CFAP54: variants seen among roughly 807,000 people sequenced by gnomAD.
CFAP54 encodes the protein cilia- and flagella-associated protein 54.
In CFAP54, 290 loss-of-function variants were observed where a neutral mutation model predicts 370.4. The ratio of observed to expected loss-of-function variants is 0.78; its 90% confidence interval spans 0.71 to 0.86. The LOEUF is 0.86. Among genes scored for constraint, CFAP54 ranks in the 40% least tolerant of loss-of-function variants. The pLI, the probability that CFAP54 is intolerant of heterozygous loss-of-function variation, is 0.00. For missense variants in CFAP54, 3,399 were observed against 3,528.7 expected, an observed-to-expected ratio of 0.96 and a Z score of 0.93; for synonymous variants, 1,206 against 1,236.5, an observed-to-expected ratio of 0.98 and a Z score of 0.52.
intron 14 of CFAP54, among the ~76,000 whole-genome samples, chr12:96,547,150 A>T (rs899222817): frequency 1.7e-4 from 26 of 152,074 alleles, no homozygotes; most frequent in Admixed American, 1.6e-3. Flanking sequence ...GTCCAAATTG[A>T]TAGGGTTTCT....
intron 19 of CFAP54, 76 bp from the exon 20 acceptor site, chr12:96,576,508 CA>C (rs767713075): frequency 1.0e-4 from 110 of 1,076,122 alleles, no homozygotes; most frequent in Admixed American, 1.5e-4. Context: ...CATTGTTTAA[CA>C]TCACTAGAAT....
At chr12:96,845,903 G>A (rs1259495453) in intron 66 of CFAP54, among the ~76,000 whole-genome samples, 2 of 152,122 alleles carry the variant, frequency 1.3e-5, no homozygotes, top group Non-Finnish European at 2.9e-5. Context: ...GTAGAAGGAA[G>A]GAGAAACATA....
At chr12:96,620,012 A>G (rs776277977) in intron 26 of CFAP54, among the ~76,000 whole-genome samples, 22 of 152,176 alleles carry the variant, frequency 1.4e-4, no homozygotes, top group Admixed American at 3.3e-4. Context: ...GTAAACAAAT[A>G]AAAATTTTTA....
rs1427372763 is a variant in CFAP54, at chr12:96,685,637, C to T, written c.6014+399C>T. Among the ~76,000 whole-genome samples the T allele has an allele frequency of 2.6e-5, 4 of 152,120 alleles. 1 individual carries two copies. The highest frequency in any genetic ancestry group is 9.6e-5 in the African/African-American group (4 of 41,500). On this transcript the variant is annotated intron_variant, in intron 42 of 67. Coordinates refer to ENST00000524981, the MANE Select transcript of CFAP54 (RefSeq NM_001306084.2). ...CTTGATCTCAGCTCACTGCAACCTC[C>T]GTCTCCTGGGTTCGAGATTCTCCTG... is the stretch of plus-strand genomic sequence containing the variant.
intron 30 of CFAP54, among the ~76,000 whole-genome samples, chr12:96,627,458 A>C (rs1256708272): frequency 6.6e-6 from 1 of 152,258 alleles, no homozygotes; most frequent in African/African-American, 2.4e-5. Context: ...ATTATGAGAC[A>C]TGCCAAATGA....
Position 96,870,144 on chromosome 12 carries a change from G to A in CFAP54, c.*15-4974G>A, listed in dbSNP as rs148081673. Among the ~76,000 whole-genome samples the A allele has an allele frequency of 4.2e-3, 639 of 150,790 alleles. 5 individuals are homozygous for A. Among genetic ancestry groups the A allele is most frequent in the African/African-American group, 0.015 (600 of 41,066 alleles). On this transcript the variant is annotated intron_variant, in intron 67 of 67. Transcript: ENST00000524981. ...GGTGTGGTGGTGCATGCCTGTAGTC[G>A]CAGCTACTCTGGAGGCTGAGACAGG...
At chr12:96,597,260 C>T (rs1452455044) in intron 25 of CFAP54, among the ~76,000 whole-genome samples, 4 of 151,918 alleles carry the variant, frequency 2.6e-5, no homozygotes, top group Non-Finnish European at 5.9e-5. Flanking sequence ...ATAAAACCTC[C>T]ATTTGAAATA....
At chr12:96,742,298 T>C in intron 51 of CFAP54, 141 bp from the exon 52 acceptor site, 2 of 588,948 alleles carry the variant, frequency 3.4e-6, no homozygotes, top group Non-Finnish European at 2.9e-6. Flanking sequence ...TTATAGAATG[T>C]GCAAGAATCA....
At chr12:96,552,343 C>T (rs1271292266) in intron 15 of CFAP54, among the ~76,000 whole-genome samples, 2 of 149,354 alleles carry the variant, frequency 1.3e-5, no homozygotes, top group African/African-American at 2.5e-5. Context: ...TAATAATAAT[C>T]TTTTTTTTGT....
intron 9 of CFAP54, among the ~76,000 whole-genome samples, chr12:96,532,360 G>A (rs898456869): frequency 1.3e-5 from 2 of 152,148 alleles, no homozygotes; most frequent in African/African-American, 4.8e-5. Flanking sequence ...TGTGGGTGTG[G>A]GCACATGTGG....
At chr12:96,493,894 AAG>A (rs774325086) in intron 1 of CFAP54, among the ~76,000 whole-genome samples, 5 of 152,190 alleles carry the variant, frequency 3.3e-5, no homozygotes, top group African/African-American at 9.6e-5. Flanking sequence ...GAAAAAGAAA[AAG>A]AGAAGAGGTT....
At chr12:96,687,745 C>G (rs1236673405) in intron 42 of CFAP54, among the ~76,000 whole-genome samples, 1 of 152,132 alleles carries the variant, frequency 6.6e-6, no homozygotes, top group African/African-American at 2.4e-5. Flanking sequence ...CACACACATA[C>G]AATTTTCTCT....
intron 60 of CFAP54, among the ~76,000 whole-genome samples, chr12:96,771,513 G>A (rs1025077438): frequency 1.5e-4 from 23 of 152,150 alleles, no homozygotes; most frequent in Non-Finnish European, 2.8e-4. Context: ...TTAGCCAGGC[G>A]CGGTGGTGGG....
intron 32 of CFAP54, among the ~76,000 whole-genome samples, chr12:96,633,938 G>A (rs1212151455): frequency 6.6e-6 from 1 of 150,904 alleles, no homozygotes; most frequent in Admixed American, 6.6e-5. Context: ...ATGCTTTCCA[G>A]CATTGAGTAT....
intron 22 of CFAP54, among the ~76,000 whole-genome samples, chr12:96,583,371 A>T (rs550770901): frequency 6.6e-6 from 1 of 152,216 alleles, no homozygotes; most frequent in South Asian, 2.1e-4. Context: ...GACCTTGGAG[A>T]CTGATTTTAG....
At chr12:96,752,577 T>C (rs943721645) in intron 55 of CFAP54, among the ~76,000 whole-genome samples, 1 of 152,216 alleles carries the variant, frequency 6.6e-6, no homozygotes, top group African/African-American at 2.4e-5. Flanking sequence ...TTCTCCTCTT[T>C]ATGCCAACTT....
intron 32 of CFAP54, among the ~76,000 whole-genome samples, chr12:96,634,325 A>T (rs768180988): frequency 3.9e-4 from 59 of 152,106 alleles, no homozygotes; most frequent in Admixed American, 1.2e-3. Flanking sequence ...AAGTGCTGGG[A>T]TTACAAGCGT....
intron 1 of CFAP54, among the ~76,000 whole-genome samples, chr12:96,497,188 T>A (rs961018695): frequency 8.5e-5 from 13 of 152,314 alleles, no homozygotes; most frequent in African/African-American, 3.1e-4. Context: ...AGCTCATTCA[T>A]GTAGTCGTTA....
In CFAP54 at chr12:96,699,237, C is replaced by T. The variant is rs139372449; in HGVS notation, c.6352-734C>T. Among the ~76,000 whole-genome samples the T allele has an allele frequency of 2.1e-3, 317 of 152,284 alleles. 1 individual carries two copies. Among genetic ancestry groups the T allele is most frequent in the African/African-American group, 7.0e-3 (292 of 41,558 alleles). On this transcript the variant is annotated intron_variant, in intron 45 of 67. Coordinates refer to ENST00000524981, the MANE Select transcript of CFAP54 (RefSeq NM_001306084.2). Reference sequence around the variant, plus strand: ...CGGACAGCCAATTTCCTATCTGCCCCGCAGAAAAGGTGGGGGTTTCCAAAG... The same window carrying T: ...CGGACAGCCAATTTCCTATCTGCCCTGCAGAAAAGGTGGGGGTTTCCAAAG...
Sources: gnomAD v4.1 joint callset for allele counts (sites outside exome capture counted in the v4.1 genomes callset) on GRCh38, gnomAD v4.1.1 for gene constraint, MANE v1.5 for transcripts, NCBI Gene and HGNC (gene_info 2026-07-23, HGNC 2026-07-21) for gene names.